The following LMX1A variants were observed in gnomAD, a reference collection of about 807,000 sequenced individuals.
LMX1A encodes LIM homeobox transcription factor 1-alpha.
A neutral mutation model predicts 49.1 loss-of-function variants in LMX1A; 15 were observed. That is an observed-to-expected ratio of 0.31 (90% CI 0.20 to 0.47). The LOEUF (loss-of-function observed/expected upper bound fraction) is 0.47. Among genes scored for constraint, LMX1A ranks in the 20% least tolerant of loss-of-function variants. The probability of loss-of-function intolerance (pLI) is 1.00; values close to 1 mark genes in which losing one functional copy is unlikely to be tolerated. For missense variants in LMX1A, 372 were observed against 475.8 expected (o/e 0.78, Z 2.03); for synonymous variants, 167 against 185.7 (o/e 0.90, Z 0.82).
At chr1:165,305,582 T>C (rs1445677524) in intron 3 of LMX1A, among the ~76,000 whole-genome samples, 1 of 152,194 alleles carries the variant, frequency 6.6e-6, no homozygotes, top group Non-Finnish European at 1.5e-5. Context: ...CTGTCCTTTC[T>C]GACACAGCTC....
intron 4 of LMX1A, among the ~76,000 whole-genome samples, chr1:165,215,249 TGCA>T (rs2102605701): frequency 6.6e-6 from 1 of 152,166 alleles, no homozygotes; most frequent in African/African-American, 2.4e-5. Context: ...AGGTGGAAGT[TGCA>T]GCAGCAAGCC....
chr1:165,262,489 T>A (rs997938455), intron 3 of LMX1A, among the ~76,000 whole-genome samples: 6 of 152,136 alleles, frequency 3.9e-5, no homozygotes, highest in African/African-American at 1.4e-4. Context: ...GTGAGAAAAA[T>A]TAAAGCTCTC....
chr1:165,272,239 T>C (rs1653817713), intron 3 of LMX1A, among the ~76,000 whole-genome samples: 1 of 152,172 alleles, frequency 6.6e-6, no homozygotes, highest in Non-Finnish European at 1.5e-5. Context: ...ATGCATTCCC[T>C]GCCAAATCCT....
chr1:165,295,349 G>A (rs533694096), intron 3 of LMX1A, among the ~76,000 whole-genome samples: 1 of 150,986 alleles, frequency 6.6e-6, no homozygotes, highest in Non-Finnish European at 1.5e-5. Context: ...ATTTTTGTTT[G>A]TTCTTTATTA....
At chr1:165,222,714 TG>T (rs1390452081) in intron 4 of LMX1A, among the ~76,000 whole-genome samples, 3 of 152,218 alleles carry the variant, frequency 2.0e-5, no homozygotes, top group Non-Finnish European at 4.4e-5. Flanking sequence ...TGACCACAGC[TG>T]ATCAGACTGC....
At chr1:165,326,059 C>T (rs1242778887) in intron 3 of LMX1A, among the ~76,000 whole-genome samples, 2 of 152,130 alleles carry the variant, frequency 1.3e-5, no homozygotes, top group African/African-American at 2.4e-5. Context: ...CGTGCAGCCC[C>T]TGGTCCCTTC....
intron 3 of LMX1A, among the ~76,000 whole-genome samples, chr1:165,284,033 T>C (rs925615394): frequency 1.3e-5 from 2 of 152,214 alleles, no homozygotes; most frequent in Admixed American, 6.5e-5. Context: ...TCTATCTCTA[T>C]GGTCCACTCT....
At chr1:165,239,074 A>AAAC (rs1652551881) in intron 4 of LMX1A, among the ~76,000 whole-genome samples, 1 of 4,778 alleles carries the variant, frequency 2.1e-4, no homozygotes, top group Non-Finnish European at 5.1e-4. Flanking sequence ...TCATGAAAAA[A>AAAC]TCATGATGTG....
chr1:165,264,113 AC>A (rs1382062169), intron 3 of LMX1A, among the ~76,000 whole-genome samples: 1 of 152,180 alleles, frequency 6.6e-6, no homozygotes, highest in African/African-American at 2.4e-5. Context: ...TTTGTGACTT[AC>A]GCTGAAACAA....
chr1:165,303,686 G>C (rs1654845657), intron 3 of LMX1A, among the ~76,000 whole-genome samples: 1 of 152,158 alleles, frequency 6.6e-6, no homozygotes, highest in South Asian at 2.1e-4. Flanking sequence ...AAGCATGATG[G>C]GAAGTAGGCG....
At chr1:165,337,092 A>G (rs181028731) in intron 3 of LMX1A, among the ~76,000 whole-genome samples, 7 of 152,324 alleles carry the variant, frequency 4.6e-5, no homozygotes, top group Admixed American at 3.9e-4. Flanking sequence ...CTTTCTTTCC[A>G]TCTTGAATAT....
At chr1:165,335,319 G>A (rs1409376425) in intron 3 of LMX1A, among the ~76,000 whole-genome samples, 3 of 152,070 alleles carry the variant, frequency 2.0e-5, no homozygotes, top group South Asian at 4.1e-4. Context: ...AATACATAAT[G>A]TATGCATAAA....
intron 3 of LMX1A, among the ~76,000 whole-genome samples, chr1:165,286,857 A>G (rs1267767056): frequency 1.3e-5 from 2 of 152,162 alleles, no homozygotes; most frequent in Non-Finnish European, 2.9e-5. Context: ...ATCTGGAAAT[A>G]ATTAGAAAAA....
chr1:165,356,385 A>C lies in LMX1A; in HGVS notation c.-53T>G, dbSNP rs1656619781. On this transcript the variant is annotated 5_prime_UTR_variant, in exon 1 of 9. Transcript: ENST00000342310. ...AGGCGAGCTCTCTCCCAGTGACTGG[A>C]GCAGAGAGAAGTTGCGGAGCGCTGC... is the stretch of plus-strand genomic sequence containing the variant. The C allele has an allele frequency of 6.6e-6, 1 of 151,940 alleles. No individual in the cohort carries two copies. The highest frequency in any genetic ancestry group is 2.4e-5 in the African/African-American group (1 of 41,372). 9.4% of individuals were successfully genotyped at this position (151,940 alleles called of 1,614,324 possible).
chr1:165,203,912 A>G lies in LMX1A; in HGVS notation c.1117T>C (p.Tyr373His). ...GTGAAGTAAGAATTCTGCATGGAGT[A>G]CAGATGGTCAATGGGGTTTCCCACT... ...SRVGNPIDHL[Y>H]SMQNSYFTS Residue 373 changes from tyrosine to histidine, a missense_variant, in exon 9 of 9, where the codon TAC (tyrosine) becomes CAC (histidine). By Grantham distance (83) the Tyr-to-His change is moderately conservative. Around this residue, in one of 3 missense-constraint regions of LMX1A, gnomAD observed 127 missense variants for 138.0 expected, o/e 0.92. Transcript: ENST00000342310. 1.2e-6 allele frequency: 2 copies of G among 1,614,146 alleles called. No individual in the cohort carries two copies. Among genetic ancestry groups the G allele is most frequent in the Non-Finnish European group, 1.7e-6 (2 of 1,180,004 alleles).
chr1:165,310,075 A>C (rs1415554064), intron 3 of LMX1A, among the ~76,000 whole-genome samples: 2 of 152,254 alleles, frequency 1.3e-5, no homozygotes, highest in Non-Finnish European at 2.9e-5. Flanking sequence ...TAAAGGGCAT[A>C]GCTCTCTGCT....
chr1:165,211,943 C>T (rs1468762627), intron 5 of LMX1A, among the ~76,000 whole-genome samples: 1 of 152,018 alleles, frequency 6.6e-6, no homozygotes, highest in Non-Finnish European at 1.5e-5. Context: ...GGAAGCTGCC[C>T]GGGGACAAGC....
intron 3 of LMX1A, among the ~76,000 whole-genome samples, chr1:165,333,756 A>G (rs1016507052): frequency 2.0e-5 from 3 of 152,104 alleles, no homozygotes; most frequent in Non-Finnish European, 4.4e-5. Flanking sequence ...ACACACAAAC[A>G]CGCACACACA....
rs137990365 is a variant in LMX1A at position 165,318,983 on chromosome 1, C to CCT, written c.263+34091_263+34092dup. Reference sequence around the variant, plus strand: ...GCTGAAAGTATTGCAGCTGAGATCTCCTCTCTCTCTCTCTCTCACACACAC... The same window carrying CCT: ...GCTGAAAGTATTGCAGCTGAGATCTCCTCTCTCTCTCTCTCTCTCACACACAC... On this transcript the variant is annotated intron_variant, in intron 3 of 8. Transcript: ENST00000342310. Among the ~76,000 whole-genome samples, 85 of 136,054 alleles carry CCT rather than the reference C, an allele frequency of 6.2e-4. 1 individual carries two copies. Among genetic ancestry groups the CCT allele is most frequent in the South Asian group, 1.8e-3 (7 of 3,816 alleles). 89.3% of individuals were successfully genotyped at this position (136,054 alleles called of 152,430 possible). A position where few individuals can be genotyped will look rare whatever the true frequency, so the allele number is the denominator to read the frequency against.
Sources: gnomAD v4.1 joint callset for allele counts (sites outside exome capture counted in the v4.1 genomes callset) on GRCh38, gnomAD v4.1.1 for gene constraint, gnomAD v4.1.1 regional missense constraint, MANE v1.5 for transcripts, NCBI Gene and HGNC (gene_info 2026-07-23, HGNC 2026-07-21) for gene names.